The following ADARB1 variants were observed in gnomAD, a reference collection of about 807,000 sequenced individuals.
The protein encoded by ADARB1 is adenosine deaminase RNA specific B1, also known as double-stranded RNA-specific editase 1.
In ADARB1, 10 loss-of-function variants were observed where a neutral mutation model predicts 52.4. The ratio of observed to expected loss-of-function variants is 0.19; its 90% CI spans 0.12 to 0.32. The LOEUF (loss-of-function observed/expected upper bound fraction) is 0.32, where lower values mean the gene tolerates loss of function less well. ADARB1 is among the 10% of genes least tolerant of loss of function. The pLI, the probability that ADARB1 is intolerant of heterozygous loss-of-function variation, is 1.00. For missense variants in ADARB1, 643 were observed against 922.3 expected, an observed-to-expected ratio of 0.70 and a Z score of 3.92; for synonymous variants, 349 against 371.1, an observed-to-expected ratio of 0.94 and a Z score of 0.68.
chr21:45,119,723 C>T (rs1237265715), intron 1 of ADARB1, among the ~76,000 whole-genome samples: 2 of 152,156 alleles, frequency 1.3e-5, no homozygotes, highest in Non-Finnish European at 2.9e-5. Flanking sequence ...AGGTTCTATA[C>T]ATCTGTTTCG....
In ADARB1 at chr21:45,204,437, C is replaced by T. The variant is rs902662559; in HGVS notation, c.1566-118C>T. 11 of 961,618 alleles carry T rather than the reference C, an allele frequency of 1.1e-5. No individual in the cohort carries two copies. Among genetic ancestry groups the T allele is most frequent in the South Asian group, 6.9e-5 (4 of 58,104 alleles). 59.6% of individuals were successfully genotyped at this position (961,618 alleles called of 1,614,324 possible). On this transcript the variant is annotated intron_variant, in intron 8 of 10. Transcript: ENST00000348831. The surrounding 1 kb of genome is among the most constrained non-coding windows in gnomAD (Gnocchi z 4.4). The stretch of plus-strand genomic sequence containing the variant: ...TTAACTTTTTGTTGCACTCCTTCGT[C>T]AGTTGGTTGGGATCCTGCGGAATTG...
intron 1 of ADARB1, among the ~76,000 whole-genome samples, chr21:45,088,167 A>G (rs1360653918): frequency 1.3e-5 from 2 of 152,218 alleles, no homozygotes; most frequent in Non-Finnish European, 2.9e-5. Flanking sequence ...GGTTAGTGAT[A>G]CACCTACATA....
chr21:45,209,470 T>C (rs1284573562), intron 9 of ADARB1, among the ~76,000 whole-genome samples: 1 of 152,204 alleles, frequency 6.6e-6, no homozygotes, highest in African/African-American at 2.4e-5. Context: ...AGAAAAGTCC[T>C]GTGTGGGTGG....
intron 3 of ADARB1, chr21:45,171,897 T>TG: frequency 3.6e-6 from 2 of 559,098 alleles, no homozygotes; most frequent in Non-Finnish European, 6.3e-6. Context: ...GTTATCGTCG[T>TG]GGGGCATCAC....
At chr21:45,079,770 G>C (rs904946312) in intron 1 of ADARB1, among the ~76,000 whole-genome samples, 1 of 152,200 alleles carries the variant, frequency 6.6e-6, no homozygotes, top group Non-Finnish European at 1.5e-5. Flanking sequence ...AGTTATCTGA[G>C]TAGAGAAAGG....
chr21:45,149,470 C>T (rs2090174642), intron 2 of ADARB1, among the ~76,000 whole-genome samples: 1 of 152,342 alleles, frequency 6.6e-6, no homozygotes, highest in Admixed American at 6.5e-5. Flanking sequence ...AGTTTTAAGT[C>T]AAGCCAGTGC....
chr21:45,140,953 G>A (rs2089688426), intron 2 of ADARB1, among the ~76,000 whole-genome samples: 1 of 152,184 alleles, frequency 6.6e-6, no homozygotes, highest in Non-Finnish European at 1.5e-5. Context: ...ACTTTGGGAG[G>A]CTGAGACAGG....
chr21:45,185,767 A>G (rs528523868), intron 8 of ADARB1, among the ~76,000 whole-genome samples: 6 of 152,384 alleles, frequency 3.9e-5, no homozygotes, highest in Admixed American at 2.6e-4. Flanking sequence ...AAAAAGTAAC[A>G]TAAGCAGATG....
rs183124304 is a variant in ADARB1 at position 45,220,767 on chromosome 21, G to A, written c.1748-69G>A. 13 of 1,550,640 alleles carry A rather than the reference G, an allele frequency of 8.4e-6. No individual in the cohort carries two copies. Among genetic ancestry groups the A allele is most frequent in the Admixed American group, 5.1e-5 (3 of 58,752 alleles). ...TGGCCATGTCTGAGCACAGTGTGCC[G>A]CCCGTGGCTGCTCCCTCCCTGGGGG... On this transcript the variant is annotated intron_variant, in intron 9 of 10. Coordinates refer to ENST00000348831, the MANE Select transcript of ADARB1 (RefSeq NM_001112.4). This position sits in a 1 kb window ranked among gnomAD's most constrained non-coding sequence, Gnocchi z 6.3.
At chr21:45,179,926 G>C (rs900454090) in intron 4 of ADARB1, among the ~76,000 whole-genome samples, 1 of 152,150 alleles carries the variant, frequency 6.6e-6, no homozygotes, top group African/African-American at 2.4e-5. Flanking sequence ...GCATGTGAGA[G>C]AGGGCAAGGG....
At chr21:45,108,438 T>A (rs2087357736) in intron 1 of ADARB1, among the ~76,000 whole-genome samples, 1 of 152,254 alleles carries the variant, frequency 6.6e-6, no homozygotes, top group South Asian at 2.1e-4. Flanking sequence ...TTAAAGTTTA[T>A]GATTGTTAAC....
At chr21:45,109,183 GTA>G (rs1255338517) in intron 1 of ADARB1, among the ~76,000 whole-genome samples, 21 of 122,332 alleles carry the variant, frequency 1.7e-4, no homozygotes, top group African/African-American at 4.2e-4. Context: ...GCGCGTGTGC[GTA>G]TATGTGTGTG....
At chr21:45,193,590 T>C (rs1340422412) in intron 8 of ADARB1, among the ~76,000 whole-genome samples, 3 of 152,190 alleles carry the variant, frequency 2.0e-5, no homozygotes, top group Non-Finnish European at 4.4e-5. Context: ...AAGGAAAAAG[T>C]AAAACTGTCT....
intron 2 of ADARB1, among the ~76,000 whole-genome samples, chr21:45,144,134 T>C (rs1246881810): frequency 6.6e-6 from 1 of 152,238 alleles, no homozygotes; most frequent in African/African-American, 2.4e-5. Context: ...TAATATTACG[T>C]TAAGTAATGT....
intron 2 of ADARB1, among the ~76,000 whole-genome samples, chr21:45,135,013 A>G (rs1258864730): frequency 6.6e-6 from 1 of 152,186 alleles, no homozygotes; most frequent in Admixed American, 6.5e-5. Context: ...CCTGAAAGCT[A>G]AGGATGGTTT....
At position 45,204,525 on chromosome 21, in the gene ADARB1, C is replaced by T. The variant is rs201444112; in HGVS notation, c.1566-30C>T. On this transcript the variant is annotated intron_variant, in intron 8 of 10. Coordinates refer to ENST00000348831, the MANE Select transcript of ADARB1 (RefSeq NM_001112.4). The surrounding 1 kb of genome is among the most constrained non-coding windows in gnomAD (Gnocchi z 4.4). ...CTGCGTCGACACTGAGTCCGAGCTC[C>T]CTGAAGACTGTGCTTTCTTCTCCCT... The T allele has an allele frequency of 8.1e-6, 13 of 1,611,644 alleles. No individual in the cohort carries two copies. In the East Asian group the frequency reaches 2.2e-4, roughly 28 times the overall value.
chr21:45,132,988 T>TC lies in ADARB1; in HGVS notation c.-48+4417dup, dbSNP rs1357154048. ...CCACAGTCAGCGTTTCCCTGCCAGC[T>TC]CCTCCAGTCTTCCTTCCTTCCTGTC... On this transcript the variant is annotated intron_variant, in intron 2 of 10. Transcript: ENST00000348831. Among the ~76,000 whole-genome samples, 5 of 152,212 alleles carry TC rather than the reference T, an allele frequency of 3.3e-5. No homozygotes were observed. In the East Asian group the frequency reaches 9.6e-4, roughly 29 times the overall value.
intron 8 of ADARB1, among the ~76,000 whole-genome samples, chr21:45,185,888 A>G (rs1377522052): frequency 2.6e-5 from 4 of 152,236 alleles, no homozygotes; most frequent in Non-Finnish European, 5.9e-5. Flanking sequence ...AAATTGATGC[A>G]TACGCATGTG....
chr21:45,112,600 T>TC (rs747966584), intron 1 of ADARB1, among the ~76,000 whole-genome samples: 1 of 152,034 alleles, frequency 6.6e-6, no homozygotes, highest in Non-Finnish European at 1.5e-5. Flanking sequence ...TGGTCCTGAG[T>TC]CACCCACATT....
Sources: gnomAD v4.1 joint callset for allele counts (sites outside exome capture counted in the v4.1 genomes callset) on GRCh38, gnomAD v4.1.1 for gene constraint, Gnocchi (gnomAD v3.1) non-coding constraint, MANE v1.5 for transcripts, NCBI Gene and HGNC (gene_info 2026-07-23, HGNC 2026-07-21) for gene names.